SPAG16: variants seen among roughly 807,000 people sequenced by gnomAD.
SPAG16 encodes sperm-associated antigen 16 protein.
In SPAG16, 86 loss-of-function variants were observed where a neutral mutation model predicts 80.4. That is an observed-to-expected ratio of 1.07 (90% CI 0.90 to 1.28). SPAG16 has a LOEUF of 1.28. Ranked by LOEUF, SPAG16 falls within the 50% of genes most tolerant of loss-of-function variation. The pLI, the probability that SPAG16 is intolerant of heterozygous loss-of-function variation, is 0.00. For synonymous variants in SPAG16, 294 were observed against 265.9 expected (o/e 1.11, Z -1.03); for missense variants, 870 against 765.3 (o/e 1.14, Z -1.61).
chr2:213,898,462 C>G (rs968623424), intron 11 of SPAG16, among the ~76,000 whole-genome samples: 1 of 152,100 alleles, frequency 6.6e-6, no homozygotes, highest in Non-Finnish European at 1.5e-5. Flanking sequence ...CAGATGAAAA[C>G]TGTGATCTTT....
chr2:213,618,200 G>A lies in SPAG16; in HGVS notation c.1070+128110G>A, dbSNP rs548799371. 2.6e-5 allele frequency among the ~76,000 whole-genome samples: 4 copies of A among 152,084 alleles called. No individual in the cohort carries two copies. The East Asian group carries it at 7.7e-4, about 29-fold the overall frequency. Reference sequence around the variant, plus strand: ...TTGGCCTTAACATTTCCTCAACATAGAACACTCCTCCAAATCATATTTCTG... The same window carrying A: ...TTGGCCTTAACATTTCCTCAACATAAAACACTCCTCCAAATCATATTTCTG... On this transcript the variant is annotated intron_variant, in intron 10 of 15. Coordinates refer to ENST00000331683, the MANE Select transcript of SPAG16 (RefSeq NM_024532.5).
intron 10 of SPAG16, among the ~76,000 whole-genome samples, chr2:213,709,066 C>A (rs1436184135): frequency 6.6e-6 from 1 of 152,096 alleles, no homozygotes; most frequent in African/African-American, 2.4e-5. Flanking sequence ...ACTTATGGGG[C>A]AGACACTTTG....
intron 9 of SPAG16, among the ~76,000 whole-genome samples, chr2:213,404,102 G>A (rs1380274981): frequency 3.9e-5 from 6 of 152,072 alleles, no homozygotes; most frequent in Non-Finnish European, 8.8e-5. Context: ...TGGGTAGGAA[G>A]AATCAATATC....
chr2:213,433,565 G>A (rs1015043224), intron 9 of SPAG16, among the ~76,000 whole-genome samples: 2 of 151,828 alleles, frequency 1.3e-5, no homozygotes, highest in African/African-American at 4.8e-5. Flanking sequence ...TCCCTACAAG[G>A]GAAATTACAA....
intron 11 of SPAG16, among the ~76,000 whole-genome samples, chr2:213,893,614 CT>C (rs977334464): frequency 3.9e-5 from 6 of 152,096 alleles, no homozygotes; most frequent in Admixed American, 3.3e-4. Flanking sequence ...CAGATTTTTC[CT>C]GTTTTTTTTC....
intron 11 of SPAG16, among the ~76,000 whole-genome samples, chr2:213,881,059 C>T (rs938114022): frequency 1.3e-5 from 2 of 152,050 alleles, no homozygotes; most frequent in South Asian, 4.2e-4. Flanking sequence ...TTGCTTTGGG[C>T]AGTATGGTCA....
chr2:214,323,334 ATT>A (rs1491301825), intron 15 of SPAG16, among the ~76,000 whole-genome samples: 13 of 149,100 alleles, frequency 8.7e-5, no homozygotes, highest in East Asian at 3.9e-4. Flanking sequence ...ATATATATAT[ATT>A]TATTTATTTA....
At chr2:213,860,495 A>T (rs566896204) in intron 10 of SPAG16, among the ~76,000 whole-genome samples, 3 of 149,168 alleles carry the variant, frequency 2.0e-5, no homozygotes, top group Non-Finnish European at 4.5e-5. Flanking sequence ...ATACACACAT[A>T]TGTGTGTGTA....
intron 13 of SPAG16, among the ~76,000 whole-genome samples, chr2:214,043,006 T>C (rs1385973492): frequency 1.3e-5 from 2 of 152,042 alleles, no homozygotes; most frequent in African/African-American, 4.8e-5. Context: ...ATCTGAGATC[T>C]TACCTAATAT....
intron 10 of SPAG16, among the ~76,000 whole-genome samples, chr2:213,817,920 C>T (rs570819376): frequency 7.9e-5 from 12 of 152,274 alleles, no homozygotes; most frequent in African/African-American, 2.6e-4. Context: ...CTCAGCATCA[C>T]ACAATATACC....
At chr2:213,750,691 T>C (rs2068040003) in intron 10 of SPAG16, among the ~76,000 whole-genome samples, 2 of 152,244 alleles carry the variant, frequency 1.3e-5, no homozygotes, top group Non-Finnish European at 2.9e-5. Context: ...CACTTGAAGC[T>C]TGAGTTCTGT....
intron 15 of SPAG16, chr2:214,280,587 T>A (rs556127414): frequency 4.7e-6 from 1 of 212,638 alleles, no homozygotes; most frequent in Admixed American, 5.4e-5. Context: ...GTTCGTTTTT[T>A]TTAAATTTAT....
chr2:214,102,294 G>C (rs1291209921), intron 13 of SPAG16, among the ~76,000 whole-genome samples: 1 of 151,900 alleles, frequency 6.6e-6, no homozygotes, highest in Non-Finnish European at 1.5e-5. Flanking sequence ...CAATAAATAA[G>C]GAGAAAAATT....
At chr2:213,348,728 A>G (rs2065151753) in intron 6 of SPAG16, among the ~76,000 whole-genome samples, 1 of 152,154 alleles carries the variant, frequency 6.6e-6, no homozygotes, top group South Asian at 2.1e-4. Context: ...TGGCTGGTAG[A>G]GTTTCTGCCA....
rs538567687 is a variant in SPAG16 at position 213,849,589 on chromosome 2, C to T, written c.1071-12896C>T. ...GGTGGTATCTAATAAATTGGAGCCA[C>T]ATTGAAGTGAATTCTATACTATACC... On this transcript the variant is annotated intron_variant, in intron 10 of 15. Coordinates refer to ENST00000331683, the MANE Select transcript of SPAG16 (RefSeq NM_024532.5). Among the ~76,000 whole-genome samples the T allele has an allele frequency of 1.8e-4, 27 of 152,276 alleles. 1 individual carries two copies. In the East Asian group the frequency reaches 5.0e-3, roughly 28 times the overall value.
At chr2:213,762,494 G>A (rs1382106157) in intron 10 of SPAG16, among the ~76,000 whole-genome samples, 1 of 152,084 alleles carries the variant, frequency 6.6e-6, no homozygotes, top group Non-Finnish European at 1.5e-5. Context: ...CCACACATAT[G>A]CAATCAAATT....
At chr2:213,432,643 A>G (rs1702742300) in intron 9 of SPAG16, among the ~76,000 whole-genome samples, 2 of 152,036 alleles carry the variant, frequency 1.3e-5, no homozygotes, top group African/African-American at 4.8e-5. Flanking sequence ...GATAGTTTGA[A>G]ATTCTGGTTG....
intron 12 of SPAG16, among the ~76,000 whole-genome samples, chr2:213,960,113 C>T (rs1426037947): frequency 3.9e-5 from 6 of 151,952 alleles, no homozygotes; most frequent in African/African-American, 7.3e-5. Flanking sequence ...TTTCCAATAC[C>T]CTATCTTCAA....
At chr2:213,560,604 A>T (rs998668322) in intron 10 of SPAG16, among the ~76,000 whole-genome samples, 3 of 152,114 alleles carry the variant, frequency 2.0e-5, no homozygotes, top group Non-Finnish European at 4.4e-5. Context: ...TATTTTTGAC[A>T]ATCTCTGTTT....
Sources: allele counts gnomAD v4.1 joint callset (sites outside exome capture counted in the v4.1 genomes callset), GRCh38; gene constraint gnomAD v4.1.1; transcripts MANE v1.5; gene names NCBI Gene and HGNC (gene_info 2026-07-23, HGNC 2026-07-21).